HSF2BP: variants seen among roughly 807,000 people sequenced by gnomAD.
The protein encoded by HSF2BP is heat shock factor 2-binding protein.
HSF2BP carries 35 observed loss-of-function variants against 35.0 expected under a neutral mutation model. That is an observed-to-expected ratio of 1.00 (90% CI 0.76 to 1.32). HSF2BP has a LOEUF of 1.32. Ranked by LOEUF, HSF2BP falls within the 40% of genes most tolerant of loss-of-function variation. The probability of loss-of-function intolerance (pLI) is 0.00; values close to 1 mark genes in which losing one functional copy is unlikely to be tolerated. For synonymous variants in HSF2BP, 114 were observed against 117.4 expected (o/e 0.97, Z 0.18); for missense variants, 326 against 321.7 (o/e 1.01, Z -0.10).
At chr21:43,579,036 C>G (rs1422168333) in intron 8 of HSF2BP, among the ~76,000 whole-genome samples, 2 of 152,152 alleles carry the variant, frequency 1.3e-5, no homozygotes, top group Non-Finnish European at 2.9e-5. Context: ...GAAACATAAC[C>G]CACAAATATT....
chr21:43,622,291 C>T (rs1194607134), intron 6 of HSF2BP, among the ~76,000 whole-genome samples: 1 of 152,072 alleles, frequency 6.6e-6, no homozygotes, highest in Non-Finnish European at 1.5e-5. Flanking sequence ...AACCAGGAAA[C>T]AAGCAACAAA....
intron 7 of HSF2BP, among the ~76,000 whole-genome samples, chr21:43,613,095 A>G (rs1014572399): frequency 1.3e-5 from 2 of 152,258 alleles, no homozygotes; most frequent in Non-Finnish European, 2.9e-5. Flanking sequence ...GCCTTCTTGA[A>G]GTAAACTTTT....
chr21:43,588,736 T>C (rs2081889076), intron 8 of HSF2BP, among the ~76,000 whole-genome samples: 1 of 152,214 alleles, frequency 6.6e-6, no homozygotes, highest in Admixed American at 6.5e-5. Flanking sequence ...TCCCACAGAC[T>C]GACACTGTCC....
intron 3 of HSF2BP, among the ~76,000 whole-genome samples, chr21:43,653,294 A>G (rs543219033): frequency 2.0e-5 from 3 of 151,054 alleles, no homozygotes; most frequent in South Asian, 2.1e-4. Context: ...GAGAGAGAGA[A>G]AGAAAGAAGG....
At chr21:43,652,493 G>A (rs1414284308) in intron 3 of HSF2BP, among the ~76,000 whole-genome samples, 4 of 151,290 alleles carry the variant, frequency 2.6e-5, no homozygotes, top group African/African-American at 9.7e-5. Context: ...TGGGAGAGTA[G>A]AAGAATCAGT....
chr21:43,595,022 A>G (rs1024374901), intron 7 of HSF2BP, among the ~76,000 whole-genome samples: 1 of 152,184 alleles, frequency 6.6e-6, no homozygotes, highest in Non-Finnish European at 1.5e-5. Context: ...GCACTTTGGG[A>G]GGCCAGGGTG....
Position 43,656,180 on chromosome 21 carries a change from C to T in HSF2BP, c.187+407G>A, listed in dbSNP as rs148831954. 9.7e-4 allele frequency among the ~76,000 whole-genome samples: 148 copies of T among 152,324 alleles called. 2 individuals are homozygous for T. Among genetic ancestry groups the T allele is most frequent in the African/African-American group, 3.4e-3 (140 of 41,576 alleles). ...AATCAGTTCTAGATACTGGCTCACC[C>T]ATCCACCTAAAGATAAGTGAACACA... On this transcript the variant is annotated intron_variant, in intron 3 of 8. Coordinates refer to ENST00000291560, the MANE Select transcript of HSF2BP (RefSeq NM_007031.2).
rs1479071374 is a variant in HSF2BP, at chr21:43,602,783, C to T, written c.693-10455G>A. ...GGTGTTCTCATCACAGACACTACAC[C>T]CCAACTGGAAATCCAAGGAGAGGGT... On this transcript the variant is annotated intron_variant, in intron 7 of 8. Transcript: ENST00000291560. 3.7e-4 allele frequency among the ~76,000 whole-genome samples: 56 copies of T among 152,086 alleles called. 2 individuals carry two copies. Among genetic ancestry groups the T allele is most frequent in the Admixed American group, 3.7e-3 (56 of 15,272 alleles).
chr21:43,657,840 C>T (rs1408083646), intron 2 of HSF2BP: 1 of 985,362 alleles, frequency 1.0e-6, no homozygotes, highest in Non-Finnish European at 1.2e-6. Context: ...CACGCGCAGC[C>T]TCACAGACCG....
At chr21:43,467,959 TTACACC>T in the HSF2BP span, among the ~76,000 whole-genome samples, 2 of 13,538 alleles carry the variant, frequency 1.5e-4, no homozygotes, top group African/African-American at 4.0e-4. Context: ...CACACCACAC[TTACACC>T]ACACACACAC....
At chr21:43,604,978 A>G (rs2082112556) in intron 7 of HSF2BP, among the ~76,000 whole-genome samples, 1 of 147,294 alleles carries the variant, frequency 6.8e-6, no homozygotes, top group Non-Finnish European at 1.5e-5. Flanking sequence ...CACACCACAC[A>G]CACATCACAC....
chr21:43,614,084 C>G, intron 6 of HSF2BP, 137 bp from the exon 7 acceptor site: 1 of 682,526 alleles, frequency 1.5e-6, no homozygotes, highest in Admixed American at 2.8e-5. Context: ...AATGAAATTG[C>G]TAGGCATGGT....
intron 3 of HSF2BP, among the ~76,000 whole-genome samples, chr21:43,654,982 G>A (rs774561272): frequency 3.3e-5 from 5 of 152,182 alleles, no homozygotes; most frequent in African/African-American, 4.8e-5. Flanking sequence ...GGGAAAGGCC[G>A]GGACTATGAG....
At chr21:43,596,641 A>T (rs1395861194) in intron 7 of HSF2BP, among the ~76,000 whole-genome samples, 1 of 152,134 alleles carries the variant, frequency 6.6e-6, no homozygotes, top group African/African-American at 2.4e-5. Context: ...CAACATGGGA[A>T]GACTGCTTGA....
intron 4 of HSF2BP, 53 bp from the exon 5 acceptor site, chr21:43,633,474 T>C (rs545579160): frequency 1.5e-6 from 2 of 1,378,982 alleles, no homozygotes; most frequent in Admixed American, 5.1e-5. Context: ...CCTTGATATA[T>C]CTTTATTACA....
At chr21:43,467,944 C>CCA in the HSF2BP span, among the ~76,000 whole-genome samples, 14 of 95,964 alleles carry the variant, frequency 1.5e-4, no homozygotes, top group African/African-American at 5.8e-4. Context: ...CACACACACA[C>CCA]CACACACACC....
intron 4 of HSF2BP, among the ~76,000 whole-genome samples, chr21:43,643,754 C>G (rs1284566641): frequency 6.6e-6 from 1 of 152,092 alleles, no homozygotes; most frequent in African/African-American, 2.4e-5. Context: ...GTCTGGAGAT[C>G]GAGACCATCC....
At chr21:43,648,537 A>C (rs1253876419) in intron 3 of HSF2BP, among the ~76,000 whole-genome samples, 1 of 151,798 alleles carries the variant, frequency 6.6e-6, no homozygotes, top group Non-Finnish European at 1.5e-5. Context: ...CCCTGATCAC[A>C]CTTTAATCTC....
At chr21:43,581,214 G>A (rs2081725508) in intron 8 of HSF2BP, among the ~76,000 whole-genome samples, 1 of 152,094 alleles carries the variant, frequency 6.6e-6, no homozygotes, top group Admixed American at 6.6e-5. Context: ...GTGAAACCCT[G>A]TCTCTACTAA....
Sources: gnomAD v4.1 joint callset for allele counts (sites outside exome capture counted in the v4.1 genomes callset) on GRCh38, gnomAD v4.1.1 for gene constraint, MANE v1.5 for transcripts, NCBI Gene and HGNC (gene_info 2026-07-23, HGNC 2026-07-21) for gene names.